ADAMTS3: variants seen among roughly 807,000 people sequenced by gnomAD.
ADAMTS3 encodes A disintegrin and metalloproteinase with thrombospondin motifs 3.
Under a neutral mutation model 129.0 loss-of-function variants are expected in ADAMTS3, and 73 were observed. That is an observed-to-expected ratio of 0.57 (90% CI 0.47 to 0.69). ADAMTS3 has a LOEUF of 0.69. Among genes scored for constraint, ADAMTS3 ranks in the 30% least tolerant of loss-of-function variants. ADAMTS3 has a pLI of 0.00. For missense variants in ADAMTS3, 1,457 were observed against 1,514.5 expected, an observed-to-expected ratio of 0.96 and a Z score of 0.63; for synonymous variants, 477 against 510.8, an observed-to-expected ratio of 0.93 and a Z score of 0.89.
Position 72,304,085 on chromosome 4 carries a change from AG to A in ADAMTS3, c.2261-6del. 1 of 1,612,396 alleles carries A rather than the reference AG, an allele frequency of 6.2e-7. No individual in the cohort carries two copies. The highest frequency in any genetic ancestry group is 8.5e-7 in the Non-Finnish European group (1 of 1,179,138). ...CTGTAGCCTGGTTCTTAATAGCTAA[AG>A]GGAGAAAAATGAGTAACCAGCATAC... On this transcript the variant is annotated splice_polypyrimidine_tract_variant and splice_region_variant and intron_variant, in intron 16 of 21. Coordinates refer to ENST00000286657, the MANE Select transcript of ADAMTS3 (RefSeq NM_014243.3).
chr4:72,303,824 G>T, intron 17 of ADAMTS3, 93 bp downstream of exon 17: 1 of 1,318,466 alleles, frequency 7.6e-7, no homozygotes, highest in Non-Finnish European at 1.1e-6. Flanking sequence ...AAAGTTCAAA[G>T]TACACTTAAT....
intron 3 of ADAMTS3, among the ~76,000 whole-genome samples, chr4:72,464,549 T>G (rs1718867700): frequency 6.6e-6 from 1 of 151,936 alleles, no homozygotes; most frequent in African/African-American, 2.4e-5. Context: ...TAAAAGAAAA[T>G]CCACTAGCAA....
At chr4:72,340,345 A>ATGTGTG (rs796631131) in intron 4 of ADAMTS3, among the ~76,000 whole-genome samples, 2 of 150,136 alleles carry the variant, frequency 1.3e-5, no homozygotes, top group Non-Finnish European at 3.0e-5. Flanking sequence ...GTGTATGTGT[A>ATGTGTG]TGTGTGTGTG....
rs539928170 is a variant in ADAMTS3, at chr4:72,324,967, G to A, written c.862-1870C>T. Among the ~76,000 whole-genome samples the A allele has an allele frequency of 3.3e-5, 5 of 152,156 alleles. No individual in the cohort carries two copies. In the South Asian group the frequency reaches 1.0e-3, roughly 32 times the overall value. On this transcript the variant is annotated intron_variant, in intron 5 of 21. Transcript: ENST00000286657. ...GCTTGTGAGACCTTTATTTTTCTGAGTCTCAATAAAATGGACATAATAAAA... is the reference window on the plus strand; with the variant it reads ...GCTTGTGAGACCTTTATTTTTCTGAATCTCAATAAAATGGACATAATAAAA...
intron 2 of ADAMTS3, 82 bp from the exon 3 acceptor site, chr4:72,548,966 C>G: frequency 7.8e-7 from 1 of 1,275,210 alleles, no homozygotes; most frequent in South Asian, 1.5e-5. Flanking sequence ...AGCTGCCCAC[C>G]TCACAAGACC....
At chr4:72,380,789 T>C (rs1389241741) in intron 4 of ADAMTS3, among the ~76,000 whole-genome samples, 1 of 152,144 alleles carries the variant, frequency 6.6e-6, no homozygotes, top group African/African-American at 2.4e-5. Flanking sequence ...TATAAAAAAA[T>C]GTGTAGCAGA....
At chr4:72,390,362 T>C (rs1331794541) in intron 4 of ADAMTS3, among the ~76,000 whole-genome samples, 2 of 152,172 alleles carry the variant, frequency 1.3e-5, no homozygotes, top group African/African-American at 4.8e-5. Context: ...TTCTAAATAC[T>C]TTATCTTATT....
chr4:72,512,529 T>C (rs988288920), intron 3 of ADAMTS3, among the ~76,000 whole-genome samples: 7 of 152,118 alleles, frequency 4.6e-5, no homozygotes, highest in Admixed American at 3.9e-4. Flanking sequence ...AGACTTACTA[T>C]TTGATAGCAT....
intron 4 of ADAMTS3, 49 bp from the exon 5 acceptor site, chr4:72,339,742 T>C (rs1297670111): frequency 7.0e-7 from 1 of 1,438,122 alleles, no homozygotes; most frequent in Non-Finnish European, 9.7e-7. Flanking sequence ...CTAACAGGCC[T>C]TCCAATCACT....
At chr4:72,434,430 A>G (rs1404681241) in intron 3 of ADAMTS3, among the ~76,000 whole-genome samples, 1 of 151,768 alleles carries the variant, frequency 6.6e-6, no homozygotes, top group Non-Finnish European at 1.5e-5. Context: ...TTACTCTTAT[A>G]GAGTAGAATA....
intron 3 of ADAMTS3, among the ~76,000 whole-genome samples, chr4:72,477,954 A>C (rs1719290954): frequency 6.6e-6 from 1 of 152,184 alleles, no homozygotes; most frequent in African/African-American, 2.4e-5. Flanking sequence ...GAAATGGATA[A>C]ATTCTTCGAC....
intron 3 of ADAMTS3, among the ~76,000 whole-genome samples, chr4:72,447,113 G>C (rs1718271969): frequency 2.0e-5 from 3 of 151,588 alleles, no homozygotes. Context: ...CCTATCAATA[G>C]GCAACTGTTC....
At chr4:72,536,307 G>A (rs1721184221) in intron 3 of ADAMTS3, among the ~76,000 whole-genome samples, 1 of 152,132 alleles carries the variant, frequency 6.6e-6, no homozygotes, top group Non-Finnish European at 1.5e-5. Flanking sequence ...TGATGTTAAA[G>A]GAGCCATACA....
intron 3 of ADAMTS3, among the ~76,000 whole-genome samples, chr4:72,538,614 G>T (rs933159051): frequency 1.3e-5 from 2 of 152,026 alleles, no homozygotes; most frequent in African/African-American, 4.8e-5. Flanking sequence ...TACACCTTCT[G>T]CAATAAATGC....
At chr4:72,415,452 G>A (rs1156449897) in intron 3 of ADAMTS3, among the ~76,000 whole-genome samples, 2 of 151,864 alleles carry the variant, frequency 1.3e-5, no homozygotes, top group African/African-American at 4.8e-5. Flanking sequence ...TGAGTTCCAT[G>A]CTACCTTCAG....
At chr4:72,313,641 C>T (rs1719305383) in intron 12 of ADAMTS3, 36 bp downstream of exon 12, 2 of 1,605,752 alleles carry the variant, frequency 1.2e-6, no homozygotes, top group Non-Finnish European at 8.5e-7. Flanking sequence ...TTTCTGGTCT[C>T]TCCAAAAATA....
chr4:72,487,664 C>G (rs1719625594), intron 3 of ADAMTS3, among the ~76,000 whole-genome samples: 4 of 152,050 alleles, frequency 2.6e-5, no homozygotes, highest in Admixed American at 2.6e-4. Flanking sequence ...CATATTCAGT[C>G]TTGTATTCAT....
At chr4:72,396,217 ATC>A (rs755617392) in intron 4 of ADAMTS3, among the ~76,000 whole-genome samples, 1 of 152,194 alleles carries the variant, frequency 6.6e-6, no homozygotes, top group Non-Finnish European at 1.5e-5. Context: ...AGTCACAGGT[ATC>A]TGTGGAGGAC....
chr4:72,473,628 G>C (rs1176387936), intron 3 of ADAMTS3, among the ~76,000 whole-genome samples: 1 of 151,222 alleles, frequency 6.6e-6, no homozygotes, highest in Non-Finnish European at 1.5e-5. Context: ...CCTCCATCTT[G>C]TCAAGATTGT....
Sources: gnomAD v4.1 joint callset for allele counts (sites outside exome capture counted in the v4.1 genomes callset) on GRCh38, gnomAD v4.1.1 for gene constraint, MANE v1.5 for transcripts, NCBI Gene and HGNC (gene_info 2026-07-23, HGNC 2026-07-21) for gene names.